The following RAB31 variants were observed in gnomAD, a reference collection of about 807,000 sequenced individuals.
RAB31 encodes ras-related protein Rab-31.
A neutral mutation model predicts 25.6 loss-of-function variants in RAB31; 21 were observed. The observed-to-expected ratio is 0.82, with a 90% CI of 0.58 to 1.18. The LOEUF (loss-of-function observed/expected upper bound fraction) is 1.18. RAB31 is among the 50% of genes most tolerant of loss of function. The pLI, the probability that RAB31 is intolerant of heterozygous loss-of-function variation, is 0.00. For missense variants in RAB31, 196 were observed against 250.1 expected (o/e 0.78, Z 1.46); for synonymous variants, 87 against 84.0 (o/e 1.04, Z -0.20).
chr18:9,851,215 C>A (rs1461774089), intron 6 of RAB31, among the ~76,000 whole-genome samples: 2 of 152,150 alleles, frequency 1.3e-5, no homozygotes, highest in Non-Finnish European at 2.9e-5. Flanking sequence ...CAAATGCAAT[C>A]CACTTAAGAA....
At chr18:9,771,077 G>A (rs1203192726) in intron 1 of RAB31, among the ~76,000 whole-genome samples, 3 of 152,126 alleles carry the variant, frequency 2.0e-5, no homozygotes, top group Non-Finnish European at 2.9e-5. Context: ...AGGCTGAAGC[G>A]AGAGGATCAC....
At chr18:9,762,742 G>A (rs889721056) in intron 1 of RAB31, among the ~76,000 whole-genome samples, 5 of 152,130 alleles carry the variant, frequency 3.3e-5, no homozygotes, top group African/African-American at 4.8e-5. Flanking sequence ...TTTAAAAGTC[G>A]TCTTCCTTCT....
intron 5 of RAB31, among the ~76,000 whole-genome samples, chr18:9,829,534 A>G (rs2143105075): frequency 6.6e-6 from 1 of 152,324 alleles, no homozygotes; most frequent in South Asian, 2.1e-4. Context: ...GCACATGTGT[A>G]AGCATTTCTC....
chr18:9,795,995 A>C (rs1342701342), intron 3 of RAB31, among the ~76,000 whole-genome samples: 2 of 152,216 alleles, frequency 1.3e-5, no homozygotes, highest in Non-Finnish European at 2.9e-5. Flanking sequence ...CCATGAATCA[A>C]TGAGTGGATA....
At chr18:9,808,237 A>G (rs555839442) in intron 3 of RAB31, among the ~76,000 whole-genome samples, 12 of 152,346 alleles carry the variant, frequency 7.9e-5, no homozygotes, top group African/African-American at 2.4e-4. Flanking sequence ...GGAAAAAAAG[A>G]AAAAGACACC....
At chr18:9,832,550 G>T (rs1002180329) in intron 5 of RAB31, among the ~76,000 whole-genome samples, 23 of 152,204 alleles carry the variant, frequency 1.5e-4, no homozygotes, top group African/African-American at 5.1e-4. Context: ...AAGAAGGAAA[G>T]GCCAGAGCAG....
At chr18:9,788,963 C>T (rs1350901140) in intron 2 of RAB31, among the ~76,000 whole-genome samples, 1 of 152,024 alleles carries the variant, frequency 6.6e-6, no homozygotes, top group Non-Finnish European at 1.5e-5. Flanking sequence ...GAGTAAGACC[C>T]CATCTCAAAA....
chr18:9,847,135 C>T (rs897653644), intron 6 of RAB31, among the ~76,000 whole-genome samples: 5 of 152,266 alleles, frequency 3.3e-5, no homozygotes, highest in African/African-American at 1.2e-4. Context: ...TGTTGTGTCA[C>T]TCTGGGTGAC....
intron 1 of RAB31, among the ~76,000 whole-genome samples, chr18:9,741,771 C>T (rs1387127358): frequency 6.6e-6 from 1 of 152,222 alleles, no homozygotes; most frequent in East Asian, 1.9e-4. Flanking sequence ...TCACAGGAAC[C>T]CAGGCCTGCC....
chr18:9,806,027 AGTAG>A (rs1198338758), intron 3 of RAB31, among the ~76,000 whole-genome samples: 4 of 149,740 alleles, frequency 2.7e-5, no homozygotes, highest in Non-Finnish European at 3.0e-5. Context: ...ATACAAAAAA[AGTAG>A]CCAGGTGTGG....
intron 5 of RAB31, among the ~76,000 whole-genome samples, chr18:9,822,081 C>T (rs903630167): frequency 6.6e-6 from 1 of 152,074 alleles, no homozygotes; most frequent in South Asian, 2.1e-4. Flanking sequence ...CTACAGTAAT[C>T]GAGACAGTAT....
At chr18:9,728,573 C>A (rs1372081164) in intron 1 of RAB31, among the ~76,000 whole-genome samples, 1 of 152,024 alleles carries the variant, frequency 6.6e-6, no homozygotes, top group Non-Finnish European at 1.5e-5. Flanking sequence ...GGGCTCATTC[C>A]ATCACCTAGG....
At chr18:9,784,117 C>A (rs193045316) in intron 2 of RAB31, among the ~76,000 whole-genome samples, 1 of 152,116 alleles carries the variant, frequency 6.6e-6, no homozygotes, top group Non-Finnish European at 1.5e-5. Context: ...GCTCACTGTA[C>A]CCTTGACCTC....
intron 3 of RAB31, among the ~76,000 whole-genome samples, chr18:9,811,171 G>T (rs2068568518): frequency 6.6e-6 from 1 of 152,190 alleles, no homozygotes; most frequent in African/African-American, 2.4e-5. Context: ...CGGCCCTTCA[G>T]CATCTTCGGC....
chr18:9,716,441 G>A (rs565578136), intron 1 of RAB31, among the ~76,000 whole-genome samples: 1 of 152,272 alleles, frequency 6.6e-6, no homozygotes, highest in East Asian at 1.9e-4. Flanking sequence ...TTGACCTCTT[G>A]GAGCCTACAT....
chr18:9,859,589 T>A lies in RAB31; in HGVS notation c.*264T>A, dbSNP rs199689085. On this transcript the variant is annotated 3_prime_UTR_variant, in exon 7 of 7. Coordinates refer to ENST00000578921, the MANE Select transcript of RAB31 (RefSeq NM_006868.4). Reference sequence around the variant, plus strand: ...GGAGGGGATGTAGTTGCATTTTTGCTAAAAAAAAAAAAAAACCTTTAAAAA... The same window carrying A: ...GGAGGGGATGTAGTTGCATTTTTGCAAAAAAAAAAAAAAAACCTTTAAAAA... The A allele has an allele frequency of 5.8e-5, 12 of 207,802 alleles. No homozygotes were observed. The highest frequency in any genetic ancestry group is 1.6e-4 in the South Asian group (1 of 6,362). The allele number at this position is 207,802 out of a possible 1,614,324, so 12.9% of individuals were successfully genotyped here. A position where few individuals can be genotyped will look rare whatever the true frequency, so the allele number is the denominator to read the frequency against.
chr18:9,778,426 G>A lies in RAB31; in HGVS notation c.119+3069G>A, dbSNP rs2068384703. Among the ~76,000 whole-genome samples the A allele has an allele frequency of 2.0e-5, 3 of 152,120 alleles. No individual in the cohort carries two copies. In the South Asian group the frequency reaches 6.2e-4, roughly 32 times the overall value. On this transcript the variant is annotated intron_variant, in intron 2 of 6. Transcript: ENST00000578921. ...CCCTTGAACAACTCGGGGATTAAGG[G>A]TGCTGAGCCCCGAGTGGTTGAAAAA... is the stretch of plus-strand genomic sequence containing the variant.
At chr18:9,720,469 C>G (rs539043998) in intron 1 of RAB31, among the ~76,000 whole-genome samples, 37 of 151,934 alleles carry the variant, frequency 2.4e-4, no homozygotes, top group Non-Finnish European at 4.3e-4. Flanking sequence ...TTGGGGTGAC[C>G]AGGGAGAGCG....
intron 1 of RAB31, among the ~76,000 whole-genome samples, chr18:9,767,552 G>A (rs1399978870): frequency 2.6e-5 from 4 of 152,134 alleles, no homozygotes; most frequent in Non-Finnish European, 5.9e-5. Context: ...CACTTTGATC[G>A]AGTCACAATT....
Sources: gnomAD v4.1 joint callset for allele counts (sites outside exome capture counted in the v4.1 genomes callset) on GRCh38, gnomAD v4.1.1 for gene constraint, MANE v1.5 for transcripts, NCBI Gene and HGNC (gene_info 2026-07-23, HGNC 2026-07-21) for gene names.